POLQ: variants seen among roughly 807,000 people sequenced by gnomAD.
The protein encoded by POLQ is epididymis secretory sperm binding protein.
A neutral mutation model predicts 259.2 loss-of-function variants in POLQ; 233 were observed. That is an observed-to-expected ratio of 0.90 (90% CI 0.81 to 1.00). The LOEUF (loss-of-function observed/expected upper bound fraction) is 1.00. Among genes scored for constraint, POLQ ranks in the 50% least tolerant of loss-of-function variants. The pLI is 0.00. For missense variants in POLQ, 2,871 were observed against 3,051.6 expected, an observed-to-expected ratio of 0.94 and a Z score of 1.39; for synonymous variants, 1,025 against 1,048.8, an observed-to-expected ratio of 0.98 and a Z score of 0.44.
intron 25 of POLQ, among the ~76,000 whole-genome samples, chr3:121,450,445 G>A (rs1172832840): frequency 1.3e-5 from 2 of 151,510 alleles, no homozygotes; most frequent in Admixed American, 6.6e-5. Flanking sequence ...ATGTATACAT[G>A]TGCCATGTTG....
chr3:121,459,869 C>T (rs969949540), intron 25 of POLQ, among the ~76,000 whole-genome samples, 181 bp downstream of exon 25: 1 of 152,114 alleles, frequency 6.6e-6, no homozygotes, highest in African/African-American at 2.4e-5. Flanking sequence ...TTTGGTTCTT[C>T]CTACTGCCTC....
At chr3:121,458,981 C>T (rs1475463629) in intron 25 of POLQ, among the ~76,000 whole-genome samples, 2 of 152,172 alleles carry the variant, frequency 1.3e-5, no homozygotes, top group African/African-American at 4.8e-5. Context: ...TGTGCATTTA[C>T]CTCAGCTAGC....
At chr3:121,514,886 A>T (rs2048283915) in intron 9 of POLQ, among the ~76,000 whole-genome samples, 1 of 152,224 alleles carries the variant, frequency 6.6e-6, no homozygotes, top group Admixed American at 6.5e-5. Flanking sequence ...CTCCAGGCCC[A>T]GCGTCAAAGC....
In POLQ at chr3:121,476,606, A is replaced by T; in HGVS notation, c.6339T>A (p.Ile2113=). 6.2e-7 allele frequency: 1 copy of T among 1,613,996 alleles called. No individual in the cohort carries two copies. Among genetic ancestry groups the T allele is most frequent in the African/African-American group, 1.3e-5 (1 of 75,034 alleles). ...KHIMQAKLDA[I]ETQAYQLAGH... is the part of the protein sequence containing the mutation. ...CAGCTAGTTGATAGGCCTGGGTCTCAATTGCATCCAGCTTGGCTTGCATTA... is the reference window on the plus strand; with the variant it reads ...CAGCTAGTTGATAGGCCTGGGTCTCTATTGCATCCAGCTTGGCTTGCATTA... Residue 2113 remains isoleucine (I), a synonymous_variant, in exon 20 of 30, where the codon ATT becomes ATA. Transcript: ENST00000264233.
rs575656548 is a variant in POLQ at position 121,468,173 on chromosome 3, C to T, written c.6845+132G>A. 251 of 646,808 alleles carry T rather than the reference C, an allele frequency of 3.9e-4. 1 individual carries two copies. In the Admixed American group the frequency reaches 4.2e-3, roughly 11 times the overall value. The allele number at this position is 646,808 out of a possible 1,614,324, so 40.1% of individuals were successfully genotyped here. On this transcript the variant is annotated intron_variant, in intron 23 of 29. Coordinates refer to ENST00000264233, the MANE Select transcript of POLQ (RefSeq NM_199420.4). The stretch of plus-strand genomic sequence containing the variant: ...TATAGATGGGACTCAGGATTCAAAA[C>T]GGTCTAGGACAGAAATGGGTATGTC...
At chr3:121,496,046 TC>T (rs2048119239) in intron 14 of POLQ, among the ~76,000 whole-genome samples, 1 of 151,978 alleles carries the variant, frequency 6.6e-6, no homozygotes, top group East Asian at 1.9e-4. Flanking sequence ...ACCCAGAATT[TC>T]TCGTTTGCTT....
At chr3:121,459,588 A>T (rs2047774539) in intron 25 of POLQ, among the ~76,000 whole-genome samples, 1 of 151,992 alleles carries the variant, frequency 6.6e-6, no homozygotes, top group Non-Finnish European at 1.5e-5. Context: ...TCACTGTGTT[A>T]GCCAGGATAG....
rs1177121705 is a variant in POLQ at position 121,545,742 on chromosome 3, C to T, written c.136G>A (p.Gly46Ser). The change falls in exon 1 of 30, where the codon GGT becomes AGT. Residue 46 changes from glycine to serine, a missense_variant. Coordinates refer to ENST00000264233, the MANE Select transcript of POLQ (RefSeq NM_199420.4). Reference sequence around the variant, plus strand: ...GCAGCTGCGGCCTTCAGGCAGCGACCAAGGCCGGGCGGCGGGCTCAGCACG... The same window carrying T: ...GCAGCTGCGGCCTTCAGGCAGCGACTAAGGCCGGGCGGCGGGCTCAGCACG... ...GSVLSPPPGL[G>S]RCLKAAAAGE... is the part of the protein sequence containing the mutation. 2 of 1,588,288 alleles carry T rather than the reference C, an allele frequency of 1.3e-6. No homozygotes were observed. Among genetic ancestry groups the T allele is most frequent in the East Asian group, 2.3e-5 (1 of 43,774 alleles).
intron 20 of POLQ, among the ~76,000 whole-genome samples, chr3:121,475,949 A>G (rs1049100642): frequency 5.9e-5 from 9 of 151,278 alleles, no homozygotes; most frequent in African/African-American, 2.2e-4. Flanking sequence ...ACCAAAAAGA[A>G]AAAAAAAAGG....
chr3:121,505,996 T>C (rs1270882032), intron 12 of POLQ, among the ~76,000 whole-genome samples: 2 of 135,250 alleles, frequency 1.5e-5, no homozygotes, highest in African/African-American at 5.6e-5. Flanking sequence ...CACTCCAGCC[T>C]GGGTGACAAG....
intron 19 of POLQ, among the ~76,000 whole-genome samples, chr3:121,479,676 C>A (rs898657489): frequency 7.9e-5 from 12 of 152,034 alleles, no homozygotes; most frequent in African/African-American, 2.4e-4. Context: ...TGGTCTCAAA[C>A]TCCTGGCCTC....
intron 17 of POLQ, among the ~76,000 whole-genome samples, chr3:121,484,762 G>A (rs1207798476): frequency 1.3e-5 from 2 of 152,008 alleles, no homozygotes; most frequent in South Asian, 2.1e-4. Flanking sequence ...ATTAGCCGGC[G>A]CAGTGGCACA....
chr3:121,545,656 G>T lies in POLQ; in HGVS notation c.163+59C>A, dbSNP rs2048527679. ...GTCCCGTGGGGTGAGGACACCTCCC[G>T]ACCCATGGCCCGGCGGAGCTGCCCC... On this transcript the variant is annotated intron_variant, in intron 1 of 29. Transcript: ENST00000264233. 2.7e-6 allele frequency: 4 copies of T among 1,475,674 alleles called. No individual in the cohort carries two copies. The South Asian group carries it at 4.0e-5, about 15-fold the overall frequency. The allele number at this position is 1,475,674 out of a possible 1,614,324, so 91.4% of individuals were successfully genotyped here.
chr3:121,463,729 C>CATAT (rs1167424076), intron 24 of POLQ, among the ~76,000 whole-genome samples: 2 of 152,114 alleles, frequency 1.3e-5, no homozygotes, highest in Admixed American at 1.3e-4. Flanking sequence ...TAGTTTTCAT[C>CATAT]ATATAGACAA....
In POLQ at chr3:121,473,620, T is replaced by C. The variant is rs41545720; in HGVS notation, c.6406-133A>G. 0.14 allele frequency: 113,833 copies of C among 831,502 alleles called. 8,159 individuals are homozygous for C. Among genetic ancestry groups the C allele is most frequent in the Non-Finnish European group, 0.14 (77,650 of 536,022 alleles). 51.5% of individuals were successfully genotyped at this position (831,502 alleles called of 1,614,324 possible). A position where few individuals can be genotyped will look rare whatever the true frequency, so the allele number is the denominator to read the frequency against. On this transcript the variant is annotated intron_variant, in intron 20 of 29. Coordinates refer to ENST00000264233, the MANE Select transcript of POLQ (RefSeq NM_199420.4). The stretch of plus-strand genomic sequence containing the variant: ...TTGAAATAATGTTTCTGTGGATAAT[T>C]TGGAATTACCATATTTAATAAATGA...
chr3:121,527,957 A>G (rs1216676355), intron 7 of POLQ, among the ~76,000 whole-genome samples: 1 of 152,244 alleles, frequency 6.6e-6, no homozygotes, highest in African/African-American at 2.4e-5. Flanking sequence ...AGCTTACTGC[A>G]ACAGCAGCAG....
chr3:121,515,329 T>C (rs1465714668), intron 9 of POLQ, among the ~76,000 whole-genome samples: 2 of 152,128 alleles, frequency 1.3e-5, no homozygotes, highest in Non-Finnish European at 1.5e-5. Flanking sequence ...TGCTCAATCA[T>C]GCATTTCCAC....
chr3:121,497,014 C>A (rs2048130563), intron 13 of POLQ, 82 bp from the exon 14 acceptor site: 1 of 1,422,114 alleles, frequency 7.0e-7, no homozygotes, highest in Admixed American at 2.0e-5. Context: ...TGACTAAGAA[C>A]TGGAAAGGCA....
In POLQ at chr3:121,485,150, A is replaced by G; in HGVS notation, c.5664T>C (p.Asp1888=). The change falls in exon 17 of 30, where the codon GAT becomes GAC. Residue 1888 remains aspartate (D), a synonymous_variant. Transcript: ENST00000264233. The stretch of plus-strand genomic sequence containing the variant: ...CATCACAACCTTTAATGGGAAATCC[A>G]TCATCTCTAATAGGAATTTCCTGAG... ...SSPQEIPIRD[D]GFPIKGCDDT... 1 of 1,608,546 alleles carries G rather than the reference A, an allele frequency of 6.2e-7. No individual in the cohort carries two copies. The highest frequency in any genetic ancestry group is 1.1e-5 in the South Asian group (1 of 90,474).
Sources: allele counts gnomAD v4.1 joint callset (sites outside exome capture counted in the v4.1 genomes callset), GRCh38; gene constraint gnomAD v4.1.1; transcripts MANE v1.5; gene names NCBI Gene and HGNC (gene_info 2026-07-23, HGNC 2026-07-21).